AFF1: variants seen among roughly 807,000 people sequenced by gnomAD.
AFF1 encodes ALF transcription elongation factor 1.
In AFF1, 48 loss-of-function variants were observed where a neutral mutation model predicts 121.7. That is an observed-to-expected ratio of 0.39 (90% CI 0.31 to 0.50). AFF1 has a LOEUF of 0.50. Among genes scored for constraint, AFF1 ranks in the 20% least tolerant of loss-of-function variants. The pLI, the probability that AFF1 is intolerant of heterozygous loss-of-function variation, is 0.76. For synonymous variants in AFF1, 613 were observed against 563.0 expected (o/e 1.09, Z -1.26); for missense variants, 1,523 against 1,511.7 (o/e 1.01, Z -0.12).
chr4:86,953,998 A>G (rs1268426984), intron 2 of AFF1, among the ~76,000 whole-genome samples: 1 of 152,138 alleles, frequency 6.6e-6, no homozygotes, highest in East Asian at 1.9e-4. Flanking sequence ...GGCGTGAGCC[A>G]CCGTGCCCGG....
rs200946563 is a variant in AFF1 at position 87,047,416 on chromosome 4, A to T, written c.881A>T (p.Gln294Leu). ...CTCCCCTCAAAAAGTGTTGCAATGCAGCAGAAGCCCACGGCTTATGTCCGG... is the reference window on the plus strand; with the variant it reads ...CTCCCCTCAAAAAGTGTTGCAATGCTGCAGAAGCCCACGGCTTATGTCCGG... The part of the protein sequence containing the change: ...PSLPSKSVAM[Q>L]QKPTAYVRPM... Residue 294 changes from glutamine (Q) to leucine (L), a missense_variant, in exon 4 of 21, where the codon CAG becomes CTG. Physicochemically the swap from Gln to Leu is moderately radical, Grantham distance 113 (BLOSUM62 -2). Coordinates refer to ENST00000395146, the MANE Select transcript of AFF1 (RefSeq NM_001166693.3). 272 of 1,614,044 alleles carry T rather than the reference A, an allele frequency of 1.7e-4. No homozygotes were observed. The highest frequency in any genetic ancestry group is 2.2e-4 in the Non-Finnish European group (261 of 1,180,030).
intron 2 of AFF1, among the ~76,000 whole-genome samples, chr4:87,017,455 G>A (rs1381868329): frequency 1.3e-5 from 2 of 151,950 alleles, no homozygotes; most frequent in African/African-American, 2.4e-5. Context: ...AATTCATATC[G>A]AGGAATGTTT....
At chr4:86,938,843 A>G (rs1215224371) in intron 1 of AFF1, among the ~76,000 whole-genome samples, 1 of 152,262 alleles carries the variant, frequency 6.6e-6, no homozygotes, top group South Asian at 2.1e-4. Flanking sequence ...TTTCTGTTGT[A>G]TGCCTTAGGA....
In AFF1 at chr4:86,996,129, C is replaced by T. The variant is rs570925453; in HGVS notation, c.38+47558C>T. The stretch of plus-strand genomic sequence containing the variant: ...GGGGTCAGGCCCCCGCCCGGCCAGC[C>T]GCCCTGTCCGGGAGGTGAGGGGCAC... On this transcript the variant is annotated intron_variant, in intron 2 of 20. Coordinates refer to ENST00000395146, the MANE Select transcript of AFF1 (RefSeq NM_001166693.3). Among the ~76,000 whole-genome samples, 211 of 151,982 alleles carry T rather than the reference C, an allele frequency of 1.4e-3. 1 individual carries two copies. Among genetic ancestry groups the T allele is most frequent in the African/African-American group, 4.9e-3 (205 of 41,482 alleles).
intron 4 of AFF1, chr4:87,049,593 CA>C (rs1430935429): frequency 4.7e-6 from 2 of 429,174 alleles, no homozygotes; most frequent in African/African-American, 4.1e-5. Context: ...TTTTTGGCAC[CA>C]GTGCATCTGC....
intron 2 of AFF1, among the ~76,000 whole-genome samples, chr4:86,975,928 T>C (rs974156486): frequency 6.6e-6 from 1 of 152,162 alleles, no homozygotes; most frequent in African/African-American, 2.4e-5. Flanking sequence ...AGGGTCAGGA[T>C]TGGCCTCTTT....
intron 2 of AFF1, among the ~76,000 whole-genome samples, chr4:86,980,955 C>CA (rs1236898578): frequency 7.3e-6 from 1 of 136,764 alleles, no homozygotes; most frequent in Non-Finnish European, 1.6e-5. Flanking sequence ...GCACCCCCCC[C>CA]CTCCACCAAA....
intron 12 of AFF1, among the ~76,000 whole-genome samples, chr4:87,119,364 A>G (rs776628043): frequency 6.6e-6 from 1 of 151,940 alleles, no homozygotes; most frequent in Non-Finnish European, 1.5e-5. Context: ...GGATTGCTTG[A>G]GCCCAGGAGT....
At chr4:87,021,254 A>C (rs1237433517) in intron 2 of AFF1, among the ~76,000 whole-genome samples, 1 of 152,228 alleles carries the variant, frequency 6.6e-6, no homozygotes, top group East Asian at 1.9e-4. Flanking sequence ...CTAAAGTTTT[A>C]AATGGATTAC....
chr4:87,011,482 G>T (rs1360618768), intron 2 of AFF1, among the ~76,000 whole-genome samples: 1 of 152,112 alleles, frequency 6.6e-6, no homozygotes, highest in African/African-American at 2.4e-5. Flanking sequence ...GTTTTGCCCT[G>T]CCCTATGCCC....
rs1729359048 is a variant in AFF1, at chr4:87,137,077, A to AT, written c.*1381dup. The AT allele has an allele frequency of 4.5e-6, 1 of 224,710 alleles. No individual in the cohort carries two copies. The highest frequency in any genetic ancestry group is 8.9e-6 in the Non-Finnish European group (1 of 112,604). 13.9% of individuals were successfully genotyped at this position (224,710 alleles called of 1,614,324 possible). ...AAATCCCATGTGCCCATAAGCACAG[A>AT]TTTTTCTTTTTCATTGAAACTTTAA... On this transcript the variant is annotated 3_prime_UTR_variant, in exon 21 of 21. Coordinates refer to ENST00000395146, the MANE Select transcript of AFF1 (RefSeq NM_001166693.3).
At chr4:87,135,280 A>C (rs1280878277) in intron 20 of AFF1, among the ~76,000 whole-genome samples, 1 of 152,146 alleles carries the variant, frequency 6.6e-6, no homozygotes. Context: ...TATCAAACTG[A>C]TAATGCTTTT....
At chr4:87,125,372 G>A (rs1316617354) in intron 13 of AFF1, 1 of 344,638 alleles carries the variant, frequency 2.9e-6, no homozygotes, top group African/African-American at 2.1e-5. Context: ...TTTCACTATG[G>A]ACAATTTCTT....
chr4:87,072,640 C>T (rs932112163), intron 4 of AFF1, among the ~76,000 whole-genome samples: 3 of 152,044 alleles, frequency 2.0e-5, no homozygotes, highest in Non-Finnish European at 2.9e-5. Context: ...CCTGCTTCAG[C>T]CTCCCCAGTA....
At chr4:87,130,117 G>A (rs1319436446) in intron 16 of AFF1, among the ~76,000 whole-genome samples, 2 of 150,816 alleles carry the variant, frequency 1.3e-5, no homozygotes, top group Non-Finnish European at 2.9e-5. Flanking sequence ...TGGGATTACA[G>A]GCCTGCTACC....
At chr4:87,075,067 G>A (rs1722509792) in intron 4 of AFF1, among the ~76,000 whole-genome samples, 1 of 152,156 alleles carries the variant, frequency 6.6e-6, no homozygotes, top group Non-Finnish European at 1.5e-5. Flanking sequence ...ATATCTTTAT[G>A]ATGCCAATTA....
In AFF1 at chr4:87,137,189, TTAC is replaced by T; in HGVS notation, c.*1492_*1494del. On this transcript the variant is annotated 3_prime_UTR_variant, in exon 21 of 21. Transcript: ENST00000395146. ...CCTTTTAGAAGTAGAATTTGCACAC[TTAC>T]TACAATTGAGGAGTGTCATCTCTAT... 1 of 227,914 alleles carries T rather than the reference TTAC, an allele frequency of 4.4e-6. No homozygotes were observed. The highest frequency in any genetic ancestry group is 8.7e-6 in the Non-Finnish European group (1 of 114,466). 14.1% of individuals were successfully genotyped at this position (227,914 alleles called of 1,614,324 possible).
chr4:87,010,509 T>C (rs527555211), intron 2 of AFF1, among the ~76,000 whole-genome samples: 4 of 152,218 alleles, frequency 2.6e-5, no homozygotes, highest in Non-Finnish European at 5.9e-5. Flanking sequence ...GTGAAATAGT[T>C]ACAGAACATG....
At chr4:87,064,082 T>C (rs1721088737) in intron 4 of AFF1, among the ~76,000 whole-genome samples, 1 of 152,266 alleles carries the variant, frequency 6.6e-6, no homozygotes. Flanking sequence ...TTGCTGTAGT[T>C]TCAGGATTCC....
Sources: gnomAD v4.1 joint callset for allele counts (sites outside exome capture counted in the v4.1 genomes callset) on GRCh38, gnomAD v4.1.1 for gene constraint, MANE v1.5 for transcripts, NCBI Gene and HGNC (gene_info 2026-07-23, HGNC 2026-07-21) for gene names.